MAST4: variants seen among roughly 807,000 people sequenced by gnomAD.
MAST4 encodes microtubule-associated serine/threonine-protein kinase 4.
MAST4 carries 89 observed loss-of-function variants against 162.7 expected under a neutral mutation model. The ratio of observed to expected loss-of-function variants is 0.55; its 90% CI spans 0.46 to 0.65. The LOEUF (loss-of-function observed/expected upper bound fraction) is 0.65. Ranked by LOEUF, MAST4 falls within the 30% of genes least tolerant of loss-of-function variation. The pLI is 0.00. For missense variants in MAST4, 3,153 were observed against 3,374.0 expected (o/e 0.93, Z 1.62); for synonymous variants, 1,479 against 1,361.1 (o/e 1.09, Z -1.91).
intron 3 of MAST4, among the ~76,000 whole-genome samples, chr5:66,868,031 C>G (rs1036401349): frequency 1.3e-5 from 2 of 152,184 alleles, no homozygotes; most frequent in Non-Finnish European, 2.9e-5. Context: ...TAATGTTTTC[C>G]TGAACACAGA....
At chr5:67,058,539 C>T (rs746730749) in intron 5 of MAST4, among the ~76,000 whole-genome samples, 1 of 152,124 alleles carries the variant, frequency 6.6e-6, no homozygotes, top group Non-Finnish European at 1.5e-5. Flanking sequence ...CAGTAATGGA[C>T]TAGTTAAGTA....
intron 10 of MAST4, among the ~76,000 whole-genome samples, chr5:67,107,928 G>A (rs1033001426): frequency 1.3e-5 from 2 of 152,198 alleles, no homozygotes; most frequent in African/African-American, 2.4e-5. Context: ...CAGGGTATCC[G>A]TTAGTGTTTC....
chr5:66,969,936 A>C (rs1169276193), intron 4 of MAST4, among the ~76,000 whole-genome samples: 1 of 152,228 alleles, frequency 6.6e-6, no homozygotes, highest in African/African-American at 2.4e-5. Context: ...TGTACTCTAC[A>C]GACACCAGTT....
intron 1 of MAST4, among the ~76,000 whole-genome samples, chr5:66,715,533 G>T (rs368017777): frequency 0.032 from 4,043 of 125,266 alleles, 102 homozygotes; most frequent in Non-Finnish European, 0.048. Flanking sequence ...GGTGGGGGGA[G>T]GGGGGAGGTA....
intron 4 of MAST4, among the ~76,000 whole-genome samples, chr5:67,049,061 GTA>G (rs139716277): frequency 5.4e-4 from 41 of 75,802 alleles, no homozygotes; most frequent in Admixed American, 8.1e-4. Context: ...ATATATATAC[GTA>G]TATATATATA....
intron 1 of MAST4, among the ~76,000 whole-genome samples, chr5:66,635,348 C>A (rs1233359530): frequency 2.0e-5 from 3 of 152,208 alleles, no homozygotes; most frequent in Non-Finnish European, 4.4e-5. Context: ...CCAGGCAATT[C>A]TGTTATGTTC....
At chr5:66,720,913 A>G (rs957393562) in intron 1 of MAST4, among the ~76,000 whole-genome samples, 9 of 152,172 alleles carry the variant, frequency 5.9e-5, no homozygotes, top group Non-Finnish European at 5.9e-5. Flanking sequence ...AAATGGAAAC[A>G]GAAGAGAGCG....
intron 1 of MAST4, among the ~76,000 whole-genome samples, chr5:66,678,883 C>T (rs1260348914): frequency 1.3e-5 from 2 of 152,034 alleles, no homozygotes; most frequent in African/African-American, 4.8e-5. Flanking sequence ...CCTCCGCCTC[C>T]TGGGTTTAAG....
rs1405142949 is a variant in MAST4 at position 66,896,010 on chromosome 5, A to G, written c.643-3941A>G. 2.6e-5 allele frequency among the ~76,000 whole-genome samples: 4 copies of G among 152,120 alleles called. No individual in the cohort carries two copies. In the East Asian group the frequency reaches 7.7e-4, roughly 29 times the overall value. On this transcript the variant is annotated intron_variant, in intron 3 of 28. Transcript: ENST00000403625. ...TACATTGTTATCATCTAAAGTACAA[A>G]CTTTATTTAGATATCACCAAGTTTT...
chr5:66,844,094 GGTGTAAA>G (rs1758623382), intron 3 of MAST4, among the ~76,000 whole-genome samples: 1 of 149,170 alleles, frequency 6.7e-6, no homozygotes, highest in South Asian at 2.1e-4. Context: ...ACTGAAAGCT[GGTGTAAA>G]GTCTGGCATT....
intron 3 of MAST4, among the ~76,000 whole-genome samples, chr5:66,865,303 A>G (rs1366861045): frequency 1.3e-5 from 2 of 152,258 alleles, no homozygotes; most frequent in East Asian, 1.9e-4. Context: ...CTCTGAAACT[A>G]TAAAGCTTGG....
chr5:67,167,338 T>A lies in MAST4; in HGVS notation c.*287T>A. ...TTGTTGAGGAAAATGATTTTCTTTG[T>A]AAATATATAGCATCGTGTTTGGTTT... On this transcript the variant is annotated 3_prime_UTR_variant, in exon 29 of 29. Coordinates refer to ENST00000403625, the MANE Select transcript of MAST4 (RefSeq NM_001164664.2). 1 of 285,984 alleles carries A rather than the reference T, an allele frequency of 3.5e-6. No individual in the cohort carries two copies. Among genetic ancestry groups the A allele is most frequent in the East Asian group, 5.9e-5 (1 of 17,050 alleles). The allele number at this position is 285,984 out of a possible 1,614,324, so 17.7% of individuals were successfully genotyped here. A position where few individuals can be genotyped will look rare whatever the true frequency, so the allele number is the denominator to read the frequency against.
At chr5:67,134,774 C>A in intron 18 of MAST4, 86 bp downstream of exon 18, 1 of 1,103,224 alleles carries the variant, frequency 9.1e-7, no homozygotes, top group Non-Finnish European at 1.3e-6. Flanking sequence ...GTTTTTACTA[C>A]TAAAATGTTA....
chr5:67,021,085 GT>G (rs1753916068), intron 4 of MAST4, among the ~76,000 whole-genome samples: 1 of 152,142 alleles, frequency 6.6e-6, no homozygotes, highest in South Asian at 2.1e-4. Flanking sequence ...CCATTGGTTG[GT>G]TGAAGTTCAG....
At chr5:66,810,622 G>A (rs76639863) in intron 3 of MAST4, among the ~76,000 whole-genome samples, 119 of 152,314 alleles carry the variant, frequency 7.8e-4, no homozygotes, top group Admixed American at 2.5e-3. Flanking sequence ...ATGAATAGGA[G>A]TGCCACCAAA....
chr5:66,873,522 G>A (rs755976678), intron 3 of MAST4, among the ~76,000 whole-genome samples: 10 of 152,136 alleles, frequency 6.6e-5, no homozygotes, highest in African/African-American at 1.7e-4. Context: ...GTGAGTCTAC[G>A]TTGAAGAAGT....
intron 1 of MAST4, among the ~76,000 whole-genome samples, chr5:66,643,763 T>C (rs1001998883): frequency 2.6e-5 from 4 of 152,112 alleles, no homozygotes; most frequent in African/African-American, 7.2e-5. Flanking sequence ...TTCATTCTGT[T>C]TAAGTCATGA....
intron 4 of MAST4, among the ~76,000 whole-genome samples, chr5:67,000,884 T>C (rs929533228): frequency 6.6e-6 from 1 of 152,220 alleles, no homozygotes; most frequent in African/African-American, 2.4e-5. Context: ...TAAATACTTA[T>C]TTCTTCCTAA....
At chr5:67,028,472 G>A (rs1042852909) in intron 4 of MAST4, among the ~76,000 whole-genome samples, 1 of 152,094 alleles carries the variant, frequency 6.6e-6, no homozygotes, top group African/African-American at 2.4e-5. Flanking sequence ...AAGGATTCCA[G>A]GATCTGAGTT....
Sources: gnomAD v4.1 joint callset for allele counts (sites outside exome capture counted in the v4.1 genomes callset) on GRCh38, gnomAD v4.1.1 for gene constraint, MANE v1.5 for transcripts, NCBI Gene and HGNC (gene_info 2026-07-23, HGNC 2026-07-21) for gene names.